Variants in PAFAH1B1 observed in about 807,000 individuals in gnomAD.
PAFAH1B1 encodes the protein platelet activating factor acetylhydrolase 1b regulatory subunit 1, also known as platelet-activating factor acetylhydrolase IB subunit beta.
Under a neutral mutation model 57.5 loss-of-function variants are expected in PAFAH1B1, and 2 were observed. The ratio of observed to expected loss-of-function variants is 0.03; its 90% CI spans 0.01 to 0.11. The LOEUF is 0.11. Ranked by LOEUF, PAFAH1B1 falls within the 10% of genes least tolerant of loss-of-function variation. The pLI, the probability that PAFAH1B1 is intolerant of heterozygous loss-of-function variation, is 1.00. For missense variants in PAFAH1B1, 257 were observed against 512.0 expected, an observed-to-expected ratio of 0.50 and a Z score of 4.81; for synonymous variants, 152 against 169.6, an observed-to-expected ratio of 0.90 and a Z score of 0.81.
In PAFAH1B1 at chr17:2,681,843, T is replaced by C. The variant is rs1184396274; in HGVS notation, c.*41T>C. On this transcript the variant is annotated 3_prime_UTR_variant, in exon 11 of 11. Coordinates refer to ENST00000397195, the MANE Select transcript of PAFAH1B1 (RefSeq NM_000430.4). ...CCCCTCCTCCCTCTTTTCCTCTGGA[T>C]GCACTCTGATGATACCATGGTTACC... The C allele has an allele frequency of 7.2e-7, 1 of 1,384,058 alleles. No homozygotes were observed. The highest frequency in any genetic ancestry group is 2.3e-5 in the East Asian group (1 of 43,790). 85.7% of individuals were successfully genotyped at this position (1,384,058 alleles called of 1,614,324 possible). A position where few individuals can be genotyped will look rare whatever the true frequency, so the allele number is the denominator to read the frequency against.
At chr17:2,681,110 A>AG (rs2151674778) in intron 10 of PAFAH1B1, 1 of 153,126 alleles carries the variant, frequency 6.5e-6, no homozygotes, top group Non-Finnish European at 1.5e-5. Flanking sequence ...AGGTTGCCTA[A>AG]GGAGGGGTGA....
intron 4 of PAFAH1B1, 98 bp from the exon 5 acceptor site, chr17:2,666,894 C>CCTACATA: frequency 5.1e-6 from 4 of 790,530 alleles, no homozygotes; most frequent in Non-Finnish European, 8.5e-6. Context: ...TTTCAAGTAT[C>CCTACATA]CTACATACAT....
intron 1 of PAFAH1B1, among the ~76,000 whole-genome samples, 183 bp downstream of exon 1, chr17:2,594,189 G>C (rs1014505521): frequency 3.9e-5 from 6 of 151,974 alleles, no homozygotes; most frequent in African/African-American, 1.4e-4. Context: ...AATGGCGGCC[G>C]CGACGGCCGT....
intron 2 of PAFAH1B1, among the ~76,000 whole-genome samples, chr17:2,664,840 C>T (rs769667636): frequency 8.5e-5 from 13 of 152,090 alleles, no homozygotes; most frequent in African/African-American, 9.7e-5. Context: ...TCTCATTCTA[C>T]GACAGTACAC....
chr17:2,674,499 T>G (rs2151668195), intron 8 of PAFAH1B1, among the ~76,000 whole-genome samples: 3 of 152,358 alleles, frequency 2.0e-5, no homozygotes, highest in Admixed American at 2.0e-4. Flanking sequence ...ATCCTTGATT[T>G]GATACGTGAT....
chr17:2,679,332 GGATA>G (rs1441910817), intron 9 of PAFAH1B1, among the ~76,000 whole-genome samples: 2 of 152,242 alleles, frequency 1.3e-5, no homozygotes, highest in East Asian at 1.9e-4. Context: ...AAATATGGAT[GGATA>G]GATGGATGGA....
chr17:2,601,437 C>T (rs2068142783), intron 1 of PAFAH1B1, among the ~76,000 whole-genome samples: 1 of 149,884 alleles, frequency 6.7e-6, no homozygotes, highest in Non-Finnish European at 1.5e-5. Flanking sequence ...CCAGCCACAC[C>T]TGGCTAATTT....
intron 1 of PAFAH1B1, among the ~76,000 whole-genome samples, chr17:2,600,513 T>C (rs2068129630): frequency 7.4e-6 from 1 of 135,248 alleles, no homozygotes. Flanking sequence ...GAGGTTGCAG[T>C]GAGCCGAGAT....
Position 2,664,665 on chromosome 17 carries a change from G to GCTCT in PAFAH1B1, c.33-682_33-679dup, listed in dbSNP as rs1555526143. On this transcript the variant is annotated intron_variant, in intron 2 of 10. Transcript: ENST00000397195. ...TGATATATATCTATATCTATCTATC[G>GCTCT]CTCTCTCTCTCTCTCTCTCTCTCTC... Among the ~76,000 whole-genome samples the GCTCT allele has an allele frequency of 2.6e-4, 22 of 86,028 alleles. 1 individual carries two copies. The highest frequency in any genetic ancestry group is 7.8e-4 in the African/African-American group (20 of 25,592). 56.4% of individuals were successfully genotyped at this position (86,028 alleles called of 152,430 possible). A position where few individuals can be genotyped will look rare whatever the true frequency, so the allele number is the denominator to read the frequency against.
intron 2 of PAFAH1B1, among the ~76,000 whole-genome samples, chr17:2,658,014 T>C (rs1367958903): frequency 2.0e-5 from 3 of 152,258 alleles, no homozygotes; most frequent in African/African-American, 4.8e-5. Flanking sequence ...TATGAGTTTT[T>C]GAAATAATGC....
chr17:2,649,936 C>T (rs1408794868), intron 2 of PAFAH1B1, among the ~76,000 whole-genome samples: 2 of 152,124 alleles, frequency 1.3e-5, no homozygotes, highest in East Asian at 3.8e-4. Flanking sequence ...TATTAAAAGC[C>T]TTAATGTTGA....
intron 8 of PAFAH1B1, among the ~76,000 whole-genome samples, chr17:2,675,308 T>C (rs2069245148): frequency 6.6e-6 from 1 of 152,330 alleles, no homozygotes; most frequent in Non-Finnish European, 1.5e-5. Context: ...TGGCTTCACA[T>C]TGATTTTGAC....
intron 2 of PAFAH1B1, among the ~76,000 whole-genome samples, chr17:2,654,954 CTTT>C (rs563890350): frequency 7.5e-6 from 1 of 133,850 alleles, no homozygotes. Flanking sequence ...TTTTTTTCTT[CTTT>C]TTTTTTTTTT....
At chr17:2,680,451 AAATCTTGTGGATTCCT>A in intron 10 of PAFAH1B1, 131 bp downstream of exon 10, 1 of 824,156 alleles carries the variant, frequency 1.2e-6, no homozygotes, top group East Asian at 2.4e-5. Flanking sequence ...GAAGACATGA[AAATCTTGTGGATTCCT>A]ACCATTTGTT....
chr17:2,664,038 C>T (rs1036265648), intron 2 of PAFAH1B1, among the ~76,000 whole-genome samples: 1 of 152,126 alleles, frequency 6.6e-6, no homozygotes, highest in South Asian at 2.1e-4. Context: ...CCTCGGCCTC[C>T]CAAAGTGCTG....
At chr17:2,644,701 T>TA (rs1461204581) in intron 2 of PAFAH1B1, among the ~76,000 whole-genome samples, 1 of 152,218 alleles carries the variant, frequency 6.6e-6, no homozygotes, top group Non-Finnish European at 1.5e-5. Context: ...CCTGCATATG[T>TA]GTACCTTTGT....
At chr17:2,611,596 A>G (rs2068267575) in intron 1 of PAFAH1B1, among the ~76,000 whole-genome samples, 1 of 152,198 alleles carries the variant, frequency 6.6e-6, no homozygotes, top group South Asian at 2.1e-4. Context: ...GGTTTTCAGC[A>G]TAGATTAAAT....
At chr17:2,600,578 A>AC (rs1264809948) in intron 1 of PAFAH1B1, among the ~76,000 whole-genome samples, 1 of 151,266 alleles carries the variant, frequency 6.6e-6, no homozygotes, top group African/African-American at 2.4e-5. Flanking sequence ...CAAAAAAAAA[A>AC]AAAAAAAACC....
chr17:2,668,175 A>C (rs1431846905), intron 5 of PAFAH1B1, among the ~76,000 whole-genome samples: 1 of 151,828 alleles, frequency 6.6e-6, no homozygotes, highest in African/African-American at 2.4e-5. Flanking sequence ...AATACAAAAA[A>C]ATTAGCTGGG....
Sources: allele counts gnomAD v4.1 joint callset (sites outside exome capture counted in the v4.1 genomes callset), GRCh38; gene constraint gnomAD v4.1.1; transcripts MANE v1.5; gene names NCBI Gene and HGNC (gene_info 2026-07-23, HGNC 2026-07-21).